PARD3B: variants seen among roughly 807,000 people sequenced by gnomAD.
PARD3B encodes the protein partitioning defective 3 homolog B.
PARD3B carries 103 observed loss-of-function variants against 130.2 expected under a neutral mutation model. The observed-to-expected ratio is 0.79, with a 90% CI of 0.67 to 0.93. The LOEUF (loss-of-function observed/expected upper bound fraction) is 0.93. Ranked by LOEUF, PARD3B falls within the 40% of genes least tolerant of loss-of-function variation. PARD3B has a pLI of 0.00. For synonymous variants in PARD3B, 583 were observed against 553.2 expected, an observed-to-expected ratio of 1.05 and a Z score of -0.76; for missense variants, 1,609 against 1,499.2, an observed-to-expected ratio of 1.07 and a Z score of -1.21.
At chr2:204,574,797 AG>A (rs1473628279) in intron 1 of PARD3B, among the ~76,000 whole-genome samples, 2 of 152,214 alleles carry the variant, frequency 1.3e-5, no homozygotes, top group Admixed American at 6.5e-5. Context: ...GACTTTGAGC[AG>A]GTCCAGCTAT....
At chr2:205,464,051 G>A (rs1042595171) in intron 20 of PARD3B, among the ~76,000 whole-genome samples, 12 of 152,076 alleles carry the variant, frequency 7.9e-5, no homozygotes, top group African/African-American at 2.7e-4. Context: ...TTCTCTAAAA[G>A]AGACAAAGAA....
chr2:204,771,288 A>G (rs1574941747), intron 2 of PARD3B, among the ~76,000 whole-genome samples: 1 of 152,050 alleles, frequency 6.6e-6, no homozygotes, highest in Non-Finnish European at 1.5e-5. Flanking sequence ...TAGCACTGCC[A>G]TAGATAGTAT....
At chr2:205,395,239 G>C (rs889480679) in intron 18 of PARD3B, among the ~76,000 whole-genome samples, 2 of 152,140 alleles carry the variant, frequency 1.3e-5, no homozygotes, top group Non-Finnish European at 2.9e-5. Flanking sequence ...TCACTCTTCA[G>C]ATCATGCCTA....
rs1423771164 is a variant in PARD3B, at chr2:205,405,720, C to T, written c.2741+4597C>T. Among the ~76,000 whole-genome samples the T allele has an allele frequency of 2.0e-5, 3 of 152,066 alleles. No individual in the cohort carries two copies. Among genetic ancestry groups the T allele is most frequent in the South Asian group, 2.1e-4 (1 of 4,810 alleles). On this transcript the variant is annotated intron_variant, in intron 19 of 22. Coordinates refer to ENST00000406610, the MANE Select transcript of PARD3B (RefSeq NM_001302769.2). This position sits in a 1 kb window ranked among gnomAD's most constrained non-coding sequence, Gnocchi z 4.1. Reference sequence around the variant, plus strand: ...AAACTTCAGGGGTTGACAATATGTCCGATGACAGAATCAGCAGGAACAATG... The same window carrying T: ...AAACTTCAGGGGTTGACAATATGTCTGATGACAGAATCAGCAGGAACAATG...
chr2:204,885,457 A>G (rs1477251826), intron 2 of PARD3B, among the ~76,000 whole-genome samples: 2 of 152,222 alleles, frequency 1.3e-5, no homozygotes, highest in East Asian at 1.9e-4. Flanking sequence ...CTTTATAAAA[A>G]TAAGACAAAT....
rs768976216 is a variant in PARD3B at position 205,440,611 on chromosome 2, C to T, written c.2983C>T (p.His995Tyr). ...DGHPLSPERD[H>Y]LEGLYAKVNK... ...CCATCCACTGTCTCCAGAAAGAGAC[C>T]ACTTAGAGGGTCTCTATGCCAAGGT... Residue 995 changes from histidine (H) to tyrosine (Y), a missense_variant, in exon 20 of 23, where the codon CAC (histidine) becomes TAC (tyrosine). Transcript: ENST00000406610. The surrounding 1 kb of genome is among the most constrained non-coding windows in gnomAD (Gnocchi z 4.2). The T allele has an allele frequency of 6.2e-7, 1 of 1,613,854 alleles. No individual in the cohort carries two copies. Among genetic ancestry groups the T allele is most frequent in the Non-Finnish European group, 8.5e-7 (1 of 1,179,930 alleles).
chr2:205,092,482 C>T (rs1367791668), intron 4 of PARD3B, among the ~76,000 whole-genome samples: 1 of 151,936 alleles, frequency 6.6e-6, no homozygotes, highest in Non-Finnish European at 1.5e-5. Context: ...TCAGGGCATC[C>T]TAGGAACAGA....
At chr2:205,168,888 A>G (rs2125739600) in intron 11 of PARD3B, among the ~76,000 whole-genome samples, 1 of 152,276 alleles carries the variant, frequency 6.6e-6, no homozygotes, top group South Asian at 2.1e-4. Context: ...TTTGGTGAAT[A>G]GGGACGCTGT....
At chr2:205,566,345 A>G (rs2053332143) in intron 22 of PARD3B, among the ~76,000 whole-genome samples, 1 of 152,236 alleles carries the variant, frequency 6.6e-6, no homozygotes, top group African/African-American at 2.4e-5. Flanking sequence ...TTTTGCTGTC[A>G]TTCCAGGGAC....
intron 19 of PARD3B, among the ~76,000 whole-genome samples, chr2:205,425,334 A>G (rs973501951): frequency 1.3e-5 from 2 of 152,216 alleles, no homozygotes; most frequent in African/African-American, 4.8e-5. Context: ...TGCATTAGCA[A>G]TGGGAAAGGC....
chr2:204,952,190 T>C (rs1324076840), intron 2 of PARD3B, among the ~76,000 whole-genome samples: 1 of 152,188 alleles, frequency 6.6e-6, no homozygotes, highest in Non-Finnish European at 1.5e-5. Context: ...TTTCAGAAAA[T>C]AATGATAGAC....
intron 10 of PARD3B, among the ~76,000 whole-genome samples, chr2:205,152,574 G>A (rs1393370119): frequency 3.9e-5 from 6 of 152,120 alleles, no homozygotes; most frequent in Non-Finnish European, 1.5e-5. Flanking sequence ...CATGTGTCAC[G>A]TAGTTCTCTT....
intron 22 of PARD3B, among the ~76,000 whole-genome samples, chr2:205,604,061 G>A (rs2054891726): frequency 6.6e-6 from 1 of 152,108 alleles, no homozygotes. Flanking sequence ...AATTCCCTCA[G>A]CATTTGCTTG....
At chr2:205,242,642 C>A (rs1314377075) in intron 15 of PARD3B, among the ~76,000 whole-genome samples, 1 of 152,160 alleles carries the variant, frequency 6.6e-6, no homozygotes, top group East Asian at 1.9e-4. Context: ...CAATTATTTT[C>A]TCTCTTTAGT....
chr2:204,679,179 T>A (rs949851960), intron 1 of PARD3B, among the ~76,000 whole-genome samples: 2 of 152,240 alleles, frequency 1.3e-5, no homozygotes, highest in Non-Finnish European at 2.9e-5. Flanking sequence ...CATACTGTAG[T>A]TTATACATTC....
chr2:205,430,699 C>A (rs1184656908), intron 19 of PARD3B, among the ~76,000 whole-genome samples: 1 of 152,122 alleles, frequency 6.6e-6, no homozygotes, highest in South Asian at 2.1e-4. Context: ...ATGGGACCAA[C>A]TACAGGAAGA....
intron 18 of PARD3B, among the ~76,000 whole-genome samples, chr2:205,392,130 G>A (rs1463164477): frequency 2.6e-5 from 4 of 152,108 alleles, no homozygotes; most frequent in Non-Finnish European, 4.4e-5. Context: ...TAGCCCCTCG[G>A]TATGGGGAAA....
chr2:205,597,343 A>G (rs559401546), intron 22 of PARD3B, among the ~76,000 whole-genome samples: 1 of 152,300 alleles, frequency 6.6e-6, no homozygotes, highest in South Asian at 2.1e-4. Flanking sequence ...ATGTTGCTTC[A>G]AAGGACATGA....
At chr2:205,411,226 C>G (rs1020097343) in intron 19 of PARD3B, among the ~76,000 whole-genome samples, 1 of 151,958 alleles carries the variant, frequency 6.6e-6, no homozygotes, top group African/African-American at 2.4e-5. Flanking sequence ...GTTGAGAAAC[C>G]ATATTTTAGA....
Sources: allele counts gnomAD v4.1 joint callset (sites outside exome capture counted in the v4.1 genomes callset), GRCh38; gene constraint gnomAD v4.1.1; non-coding constraint Gnocchi (gnomAD v3.1); transcripts MANE v1.5; gene names NCBI Gene and HGNC (gene_info 2026-07-23, HGNC 2026-07-21).